STK39: variants seen among roughly 807,000 people sequenced by gnomAD.
STK39 encodes STE20/SPS1-related proline-alanine-rich protein kinase.
In STK39, 20 loss-of-function variants were observed where a neutral mutation model predicts 77.8. The ratio of observed to expected loss-of-function variants is 0.26; its 90% CI spans 0.18 to 0.37. The LOEUF is 0.37. STK39 is among the 10% of genes least tolerant of loss of function. The probability of loss-of-function intolerance (pLI) is 1.00; values close to 1 mark genes in which losing one functional copy is unlikely to be tolerated. For synonymous variants in STK39, 246 were observed against 234.1 expected (o/e 1.05, Z -0.47); for missense variants, 479 against 656.5 (o/e 0.73, Z 2.95).
chr2:168,153,086 AAGAATCTGCAG>A (rs1261821943), intron 5 of STK39, among the ~76,000 whole-genome samples: 3 of 152,266 alleles, frequency 2.0e-5, no homozygotes, highest in African/African-American at 7.2e-5. Flanking sequence ...TGAATCTTCA[AAGAATCTGCAG>A]ATTTCCAAAT....
At chr2:168,007,819 T>C (rs915487592) in intron 16 of STK39, among the ~76,000 whole-genome samples, 1 of 152,130 alleles carries the variant, frequency 6.6e-6, no homozygotes, top group African/African-American at 2.4e-5. Context: ...GCCATGGTGA[T>C]TGTGGGTGGA....
At chr2:168,233,339 C>G (rs1479036738) in intron 1 of STK39, among the ~76,000 whole-genome samples, 1 of 152,214 alleles carries the variant, frequency 6.6e-6, no homozygotes. Context: ...AAAACATTCT[C>G]TGTTACAGCT....
rs188984833 is a variant in STK39 at position 167,967,867 on chromosome 2, C to T, written c.1499-3141G>A. Among the ~76,000 whole-genome samples, 27 of 152,176 alleles carry T rather than the reference C, an allele frequency of 1.8e-4. 1 individual carries two copies. The highest frequency in any genetic ancestry group is 6.5e-4 in the African/African-American group (27 of 41,506). ...TTTTACCTAGGTGTATTGTGTGATG[C>T]TGAGGTTTGGGGTATGACTGATCCT... On this transcript the variant is annotated intron_variant, in intron 16 of 17. Coordinates refer to ENST00000355999, the MANE Select transcript of STK39 (RefSeq NM_013233.3).
At chr2:168,204,732 C>T (rs1365132594) in intron 1 of STK39, among the ~76,000 whole-genome samples, 1 of 152,190 alleles carries the variant, frequency 6.6e-6, no homozygotes, top group Non-Finnish European at 1.5e-5. Context: ...TTAGGCATAA[C>T]AGCAGGTAAA....
intron 14 of STK39, among the ~76,000 whole-genome samples, chr2:168,044,452 G>A (rs1253056149): frequency 2.0e-5 from 3 of 152,276 alleles, no homozygotes; most frequent in Admixed American, 2.0e-4. Context: ...AGAGGTTACT[G>A]GGCATCAGCT....
chr2:168,231,662 T>G (rs1690458958), intron 1 of STK39, among the ~76,000 whole-genome samples: 1 of 152,070 alleles, frequency 6.6e-6, no homozygotes, highest in Admixed American at 6.5e-5. Flanking sequence ...AGATCTTTGC[T>G]TCTCGAATTC....
chr2:168,050,110 ATCT>A (rs1685355562), intron 14 of STK39, among the ~76,000 whole-genome samples: 1 of 152,236 alleles, frequency 6.6e-6, no homozygotes, highest in Non-Finnish European at 1.5e-5. Context: ...ACACATCTGT[ATCT>A]TCTTTGTAAC....
chr2:168,229,352 T>A (rs1470633645), intron 1 of STK39, among the ~76,000 whole-genome samples: 1 of 149,478 alleles, frequency 6.7e-6, no homozygotes, highest in Non-Finnish European at 1.5e-5. Context: ...ACCATTGCAT[T>A]CCAGCCTGGG....
intron 10 of STK39, among the ~76,000 whole-genome samples, chr2:168,102,773 C>T (rs952878062): frequency 6.6e-6 from 1 of 151,350 alleles, no homozygotes; most frequent in South Asian, 2.1e-4. Context: ...ACTAAAAATA[C>T]AAAAAAAATT....
intron 16 of STK39, among the ~76,000 whole-genome samples, chr2:167,974,534 G>A (rs187900989): frequency 1.8e-4 from 28 of 152,276 alleles, no homozygotes; most frequent in African/African-American, 4.6e-4. Flanking sequence ...ATTAATATAT[G>A]TTCCAAAATT....
chr2:168,225,942 G>A (rs1690293644), intron 1 of STK39, among the ~76,000 whole-genome samples: 1 of 152,146 alleles, frequency 6.6e-6, no homozygotes, highest in Non-Finnish European at 1.5e-5. Flanking sequence ...CAATCTTTGG[G>A]ATTAAGATTG....
chr2:167,973,876 G>T (rs959970378), intron 16 of STK39, among the ~76,000 whole-genome samples: 8 of 152,136 alleles, frequency 5.3e-5, no homozygotes, highest in African/African-American at 1.9e-4. Context: ...TCCGTAAACT[G>T]AACATTGAAA....
At chr2:167,960,483 G>A (rs1406801080) in intron 17 of STK39, among the ~76,000 whole-genome samples, 4 of 152,000 alleles carry the variant, frequency 2.6e-5, no homozygotes, top group Non-Finnish European at 5.9e-5. Context: ...TCCAGGCCCA[G>A]CCAAAAAACC....
chr2:168,213,613 G>A (rs1272087343), intron 1 of STK39, among the ~76,000 whole-genome samples: 2 of 151,528 alleles, frequency 1.3e-5, no homozygotes, highest in African/African-American at 2.4e-5. Flanking sequence ...CTGAGCCCAG[G>A]AGGTGGAGGT....
chr2:168,011,381 A>AT (rs11389140), intron 16 of STK39, among the ~76,000 whole-genome samples: 97,637 of 151,928 alleles, frequency 0.64, 31,871 homozygotes, highest in African/African-American at 0.74. Context: ...TGATTTGAAT[A>AT]TTTTAATAAG....
At chr2:168,072,091 G>GGT (rs200808078) in intron 12 of STK39, among the ~76,000 whole-genome samples, 3,116 of 152,110 alleles carry the variant, frequency 0.02, 108 homozygotes, top group African/African-American at 0.072. Flanking sequence ...ATAAAAAAGA[G>GGT]GCAGATCTAT....
In STK39 at chr2:168,007,607, C is replaced by T. The variant is rs539168106; in HGVS notation, c.1498+5027G>A. Among the ~76,000 whole-genome samples the T allele has an allele frequency of 9.9e-5, 15 of 152,080 alleles. 1 individual carries two copies. The highest frequency in any genetic ancestry group is 4.2e-4 in the South Asian group (2 of 4,806). Reference sequence around the variant, plus strand: ...AGGGTAGAGAGTTGGGGATGGTGTGCGATTTTAATGAGGCTGCTCAAGACC... The same window carrying T: ...AGGGTAGAGAGTTGGGGATGGTGTGTGATTTTAATGAGGCTGCTCAAGACC... On this transcript the variant is annotated intron_variant, in intron 16 of 17. Coordinates refer to ENST00000355999, the MANE Select transcript of STK39 (RefSeq NM_013233.3).
chr2:167,980,753 GTTT>G (rs35891195), intron 16 of STK39, among the ~76,000 whole-genome samples: 59 of 141,922 alleles, frequency 4.2e-4, no homozygotes, highest in African/African-American at 1.4e-3. Context: ...TCTTGTTGTT[GTTT>G]TTTTTTTTTT....
In STK39 at chr2:168,215,011, G is replaced by A. The variant is rs904686690; in HGVS notation, c.208+32217C>T. Among the ~76,000 whole-genome samples the A allele has an allele frequency of 2.6e-5, 4 of 152,228 alleles. No individual in the cohort carries two copies. In the East Asian group the frequency reaches 7.7e-4, roughly 29 times the overall value. On this transcript the variant is annotated intron_variant, in intron 1 of 17. Coordinates refer to ENST00000355999, the MANE Select transcript of STK39 (RefSeq NM_013233.3). ...CCATCTTTTATCAGTCTCTTTTACAGCTCTAGGGATGTACCATGATCCATG... is the reference window on the plus strand; with the variant it reads ...CCATCTTTTATCAGTCTCTTTTACAACTCTAGGGATGTACCATGATCCATG...
Sources: gnomAD v4.1 joint callset for allele counts (sites outside exome capture counted in the v4.1 genomes callset) on GRCh38, gnomAD v4.1.1 for gene constraint, MANE v1.5 for transcripts, NCBI Gene and HGNC (gene_info 2026-07-23, HGNC 2026-07-21) for gene names.